Variants in NDUFAF7 observed in about 807,000 individuals in gnomAD.
The protein encoded by NDUFAF7 is NADH:ubiquinone oxidoreductase complex assembly factor 7, also known as protein arginine methyltransferase NDUFAF7, mitochondrial.
A neutral mutation model predicts 47.2 loss-of-function variants in NDUFAF7; 48 were observed. The ratio of observed to expected loss-of-function variants is 1.02; its 90% CI spans 0.81 to 1.29. The LOEUF (loss-of-function observed/expected upper bound fraction) is 1.29, where lower values mean the gene tolerates loss of function less well. NDUFAF7 is among the 50% of genes most tolerant of loss of function. The pLI, the probability that NDUFAF7 is intolerant of heterozygous loss-of-function variation, is 0.00. For synonymous variants in NDUFAF7, 217 were observed against 190.0 expected (o/e 1.14, Z -1.17); for missense variants, 635 against 537.6 (o/e 1.18, Z -1.79).
the NDUFAF7 span, chr2:37,267,346 T>TA: frequency 0.18 from 141,577 of 770,244 alleles, 903 homozygotes; most frequent in African/African-American, 0.22. Flanking sequence ...TTTGCCTTCT[T>TA]AAAAAAAAAA....
intron 7 of NDUFAF7, among the ~76,000 whole-genome samples, chr2:37,245,469 A>C (rs1008230424): frequency 2.6e-5 from 4 of 152,212 alleles, no homozygotes; most frequent in Non-Finnish European, 4.4e-5. Flanking sequence ...TTAAGTGGAC[A>C]TCTTGGGGTA....
At chr2:37,236,317 G>A (rs1270500348) in intron 3 of NDUFAF7, 141 bp downstream of exon 3, 3 of 738,048 alleles carry the variant, frequency 4.1e-6, no homozygotes, top group East Asian at 2.6e-5. Flanking sequence ...ATGTACTGAG[G>A]GAATAGAGAG....
At chr2:37,256,869 C>G, downstream of NDUFAF7, 1 of 1,613,970 alleles carries the variant, frequency 6.2e-7, no homozygotes, top group Non-Finnish European at 8.5e-7. Flanking sequence ...GTTCCTACCA[C>G]AGATCTCCTG....
rs1667055450 is a variant in NDUFAF7, at chr2:37,247,509, T to C, written c.990T>C (p.Asp330=). The C allele has an allele frequency of 3.1e-6, 5 of 1,614,060 alleles. No individual in the cohort carries two copies. The highest frequency in any genetic ancestry group is 4.2e-6 in the Non-Finnish European group (5 of 1,179,964). The change falls in exon 9 of 10, where the codon GAT becomes GAC. Residue 330 remains aspartate, a synonymous_variant. Transcript: ENST00000002125. ...TCTTAATTGCCCCAGGAACAGCAGA[T>C]CTAACAGCTGATGTGGACTTCAGTT... ...HDVLIAPGTA[D]LTADVDFSYL...
intron 2 of NDUFAF7, among the ~76,000 whole-genome samples, chr2:37,235,811 T>C (rs1665693561): frequency 6.6e-6 from 1 of 151,976 alleles, no homozygotes; most frequent in South Asian, 2.1e-4. Flanking sequence ...CCCTCCACCA[T>C]GCCCGGCTAA....
At chr2:37,242,020 A>G in intron 5 of NDUFAF7, 1 of 572,786 alleles carries the variant, frequency 1.7e-6, no homozygotes, top group South Asian at 2.2e-5. Flanking sequence ...TCCCAAACAA[A>G]ATGTAAATCT....
chr2:37,259,829 T>C, the NDUFAF7 span: 54 of 608,266 alleles, frequency 8.9e-5, no homozygotes, highest in Non-Finnish European at 1.4e-4. Context: ...AGGTTAACAA[T>C]TCCCACAATC....
chr2:37,242,623 CT>C lies in NDUFAF7; in HGVS notation c.623-7del. 2 of 1,569,462 alleles carry C rather than the reference CT, an allele frequency of 1.3e-6. No homozygotes were observed. The highest frequency in any genetic ancestry group is 1.8e-6 in the Non-Finnish European group (2 of 1,140,514). On this transcript the variant is annotated splice_polypyrimidine_tract_variant and intron_variant, in intron 5 of 9. Transcript: ENST00000002125. Reference sequence around the variant, plus strand: ...ATGTGGAAACATTAATTGTTTTCCTCTTTTTAAATAGGGTACAGCTTTTATC... The same window carrying C: ...ATGTGGAAACATTAATTGTTTTCCTCTTTTAAATAGGGTACAGCTTTTATC...
intron 4 of NDUFAF7, among the ~76,000 whole-genome samples, chr2:37,239,990 A>G (rs1666192115): frequency 6.6e-6 from 1 of 152,198 alleles, no homozygotes; most frequent in Admixed American, 6.5e-5. Flanking sequence ...CAGTCTACGT[A>G]CTATTTTATG....
intron 7 of NDUFAF7, among the ~76,000 whole-genome samples, chr2:37,244,339 A>T (rs1341248078): frequency 6.6e-6 from 1 of 152,248 alleles, no homozygotes; most frequent in Non-Finnish European, 1.5e-5. Context: ...TAACAATAAC[A>T]GCTAACGTTT....
chr2:37,265,154 G>C, the NDUFAF7 span, among the ~76,000 whole-genome samples: 2 of 150,562 alleles, frequency 1.3e-5, no homozygotes, highest in Admixed American at 1.3e-4. Flanking sequence ...TGGGTGATGA[G>C]GGAGGACTAC....
the NDUFAF7 span, chr2:37,269,817 C>G: frequency 1.5e-6 from 1 of 668,312 alleles, no homozygotes; most frequent in Middle Eastern, 3.9e-4. Context: ...AAAGTGCAAA[C>G]TATTTTATGA....
In NDUFAF7 at chr2:37,237,666, T is replaced by C. The variant is rs1665936444; in HGVS notation, c.298-91T>C. 3 of 1,002,592 alleles carry C rather than the reference T, an allele frequency of 3.0e-6. No homozygotes were observed. The Admixed American group carries it at 6.1e-5, about 20-fold the overall frequency. 62.1% of individuals were successfully genotyped at this position (1,002,592 alleles called of 1,614,324 possible). On this transcript the variant is annotated intron_variant, in intron 3 of 9. Transcript: ENST00000002125. ...GCTGTACACATTTTGCTTTTTGGCA[T>C]ATAGTGCATATTTATGTGAAATTTT...
chr2:37,262,734 G>A, the NDUFAF7 span, among the ~76,000 whole-genome samples: 52,853 of 151,942 alleles, frequency 0.35, 9,372 homozygotes, highest in Middle Eastern at 0.41. Context: ...GAAGTATGCT[G>A]TAACATTATT....
the NDUFAF7 span, among the ~76,000 whole-genome samples, chr2:37,265,814 T>C: frequency 8.8e-4 from 134 of 152,300 alleles, 2 homozygotes; most frequent in African/African-American, 3.1e-3. Context: ...CAAAATGATA[T>C]AATAATGAAG....
intron 1 of NDUFAF7, 102 bp from the exon 2 acceptor site, chr2:37,232,004 G>C: frequency 2.5e-6 from 4 of 1,605,076 alleles, no homozygotes; most frequent in Non-Finnish European, 3.4e-6. Flanking sequence ...GCGGTGGGGC[G>C]AGGTTAAGGG....
chr2:37,256,968 G>C (rs1441716967), downstream of NDUFAF7: 1 of 1,603,748 alleles, frequency 6.2e-7, no homozygotes. Flanking sequence ...GTATTATAGT[G>C]TTATATATGT....
At chr2:37,262,750 C>G in the NDUFAF7 span, among the ~76,000 whole-genome samples, 2 of 152,122 alleles carry the variant, frequency 1.3e-5, no homozygotes, top group South Asian at 4.1e-4. Flanking sequence ...TTATTTTTCT[C>G]CCTTAACAAC....
At chr2:37,255,151 A>G (rs1169409484), downstream of NDUFAF7, among the ~76,000 whole-genome samples, 1 of 152,234 alleles carries the variant, frequency 6.6e-6, no homozygotes, top group Non-Finnish European at 1.5e-5. Flanking sequence ...GAGGTCTGAG[A>G]TAACACTGGT....
Sources: allele counts gnomAD v4.1 joint callset (sites outside exome capture counted in the v4.1 genomes callset), GRCh38; gene constraint gnomAD v4.1.1; transcripts MANE v1.5; gene names NCBI Gene and HGNC (gene_info 2026-07-23, HGNC 2026-07-21).